The following THSD7B variants were observed in gnomAD, a reference collection of about 807,000 sequenced individuals.
THSD7B encodes thrombospondin type 1 domain containing 7B.
A neutral mutation model predicts 213.6 loss-of-function variants in THSD7B; 138 were observed. The observed-to-expected ratio is 0.65, with a 90% confidence interval of 0.56 to 0.74. THSD7B has a LOEUF of 0.74. Ranked by LOEUF, THSD7B falls within the 30% of genes least tolerant of loss-of-function variation. The pLI is 0.00. For missense variants in THSD7B, 1,931 were observed against 1,991.5 expected (o/e 0.97, Z 0.58); for synonymous variants, 742 against 687.0 (o/e 1.08, Z -1.25).
chr2:137,386,873 A>C (rs1180693121), intron 12 of THSD7B, among the ~76,000 whole-genome samples: 1 of 152,182 alleles, frequency 6.6e-6, no homozygotes, highest in South Asian at 2.1e-4. Flanking sequence ...TCCTACCGTT[A>C]ACAGCAATTC....
chr2:136,770,680 T>C (rs1681488325), intron 1 of THSD7B, among the ~76,000 whole-genome samples: 1 of 152,186 alleles, frequency 6.6e-6, no homozygotes, highest in Non-Finnish European at 1.5e-5. Flanking sequence ...ACCTACCAAC[T>C]GGTAAATATT....
rs561323042 is a variant in THSD7B, at chr2:137,553,106, T to C, written c.3139-10115T>C. On this transcript the variant is annotated intron_variant, in intron 15 of 27. Coordinates refer to ENST00000409968, the MANE Select transcript of THSD7B (RefSeq NM_001316349.2). ...CCCTAACATTCCAATGAAATCGACA[T>C]TGAATATGACTTGCCAGGATCTCTG... Among the ~76,000 whole-genome samples, 5 of 152,250 alleles carry C rather than the reference T, an allele frequency of 3.3e-5. No homozygotes were observed. The South Asian group carries it at 1.0e-3, about 32-fold the overall frequency.
intron 5 of THSD7B, among the ~76,000 whole-genome samples, chr2:137,133,223 A>G (rs1308029328): frequency 3.3e-5 from 5 of 152,130 alleles, no homozygotes; most frequent in Admixed American, 2.6e-4. Flanking sequence ...GTCTCACCTA[A>G]AATTCCTCAT....
At chr2:136,854,603 T>C (rs978076451) in intron 1 of THSD7B, among the ~76,000 whole-genome samples, 1 of 151,672 alleles carries the variant, frequency 6.6e-6, no homozygotes. Context: ...CCTGCTTCTA[T>C]GCACACTCTT....
intron 12 of THSD7B, among the ~76,000 whole-genome samples, chr2:137,280,243 A>T (rs1682975247): frequency 6.6e-6 from 1 of 151,938 alleles, no homozygotes; most frequent in South Asian, 2.1e-4. Flanking sequence ...TTTGATAGAA[A>T]CCCTTGGGAT....
At chr2:136,848,488 T>G (rs2104961462) in intron 1 of THSD7B, among the ~76,000 whole-genome samples, 1 of 152,212 alleles carries the variant, frequency 6.6e-6, no homozygotes, top group African/African-American at 2.4e-5. Context: ...CAAAAGAACA[T>G]AGGATAAAAA....
chr2:137,311,965 C>T (rs1016017614), intron 12 of THSD7B, among the ~76,000 whole-genome samples: 2 of 145,720 alleles, frequency 1.4e-5, no homozygotes, highest in Admixed American at 1.4e-4. Flanking sequence ...GTCTAAAATT[C>T]TCTTTTTTGG....
At chr2:137,590,915 T>G (rs1033130177) in intron 17 of THSD7B, among the ~76,000 whole-genome samples, 1 of 151,372 alleles carries the variant, frequency 6.6e-6, no homozygotes, top group Non-Finnish European at 1.5e-5. Context: ...AAACTATTCC[T>G]TAGTTTCCTC....
intron 8 of THSD7B, among the ~76,000 whole-genome samples, chr2:137,231,687 T>C (rs1681643421): frequency 1.3e-5 from 2 of 152,170 alleles, no homozygotes; most frequent in Admixed American, 1.3e-4. Flanking sequence ...CCGTGCATGC[T>C]GGTATCCTGT....
At chr2:137,361,162 C>A (rs548841849) in intron 12 of THSD7B, among the ~76,000 whole-genome samples, 153 of 152,214 alleles carry the variant, frequency 1.0e-3, no homozygotes, top group African/African-American at 3.6e-3. Flanking sequence ...GGAAAACCAA[C>A]AAACAGAAAG....
chr2:137,099,665 T>C (rs898256810), intron 4 of THSD7B, among the ~76,000 whole-genome samples: 17 of 152,228 alleles, frequency 1.1e-4, no homozygotes, highest in Non-Finnish European at 2.9e-5. Context: ...ATGGCTGTTC[T>C]GTCTCTTAAA....
intron 2 of THSD7B, among the ~76,000 whole-genome samples, chr2:136,942,340 G>T (rs1684842345): frequency 6.6e-6 from 1 of 152,066 alleles, no homozygotes; most frequent in Non-Finnish European, 1.5e-5. Context: ...GCTCTTTTTT[G>T]GTTCCATATG....
chr2:137,542,754 T>G (rs370371507), intron 15 of THSD7B, among the ~76,000 whole-genome samples: 2 of 151,894 alleles, frequency 1.3e-5, no homozygotes. Flanking sequence ...TGACTTACAC[T>G]TTTTCATTTC....
At position 137,242,341 on chromosome 2, in the gene THSD7B, T is replaced by C. The variant is rs1204752984; in HGVS notation, c.2151-116T>C. The C allele has an allele frequency of 4.2e-6, 3 of 720,932 alleles. No individual in the cohort carries two copies. The African/African-American group carries it at 5.4e-5, about 13-fold the overall frequency. The allele number at this position is 720,932 out of a possible 1,614,324, so 44.7% of individuals were successfully genotyped here. A position where few individuals can be genotyped will look rare whatever the true frequency, so the allele number is the denominator to read the frequency against. On this transcript the variant is annotated intron_variant, in intron 9 of 27. Coordinates refer to ENST00000409968, the MANE Select transcript of THSD7B (RefSeq NM_001316349.2). ...TTCACCTCCAGGAGTCTCTCTTCCCTCACCTATTAAGGGAACATGAGGCCC... is the reference window on the plus strand; with the variant it reads ...TTCACCTCCAGGAGTCTCTCTTCCCCCACCTATTAAGGGAACATGAGGCCC...
intron 14 of THSD7B, among the ~76,000 whole-genome samples, chr2:137,418,667 C>T (rs556073597): frequency 2.6e-5 from 4 of 151,880 alleles, no homozygotes; most frequent in Admixed American, 1.3e-4. Context: ...TATTTGTACC[C>T]GTTAATCAAC....
intron 2 of THSD7B, among the ~76,000 whole-genome samples, chr2:136,981,966 G>A (rs1397992708): frequency 6.6e-6 from 1 of 152,214 alleles, no homozygotes; most frequent in Non-Finnish European, 1.5e-5. Context: ...CTACGCAGGA[G>A]GCACTGGGTG....
chr2:137,368,635 T>C (rs1685474156), intron 12 of THSD7B, among the ~76,000 whole-genome samples: 1 of 152,148 alleles, frequency 6.6e-6, no homozygotes, highest in African/African-American at 2.4e-5. Flanking sequence ...GAATTGAAGA[T>C]TATACAACCA....
chr2:137,196,180 A>G (rs181786529), intron 7 of THSD7B, among the ~76,000 whole-genome samples: 286 of 152,242 alleles, frequency 1.9e-3, no homozygotes, highest in African/African-American at 6.7e-3. Context: ...TTCTAACCCA[A>G]AAACCATTGT....
chr2:137,669,473 G>A (rs1473530755), intron 27 of THSD7B, among the ~76,000 whole-genome samples: 2 of 151,966 alleles, frequency 1.3e-5, no homozygotes, highest in Non-Finnish European at 2.9e-5. Flanking sequence ...TCAAATTGAT[G>A]TTTGGCTAGT....
Sources: gnomAD v4.1 joint callset for allele counts (sites outside exome capture counted in the v4.1 genomes callset) on GRCh38, gnomAD v4.1.1 for gene constraint, MANE v1.5 for transcripts, NCBI Gene and HGNC (gene_info 2026-07-23, HGNC 2026-07-21) for gene names.